The following RNF144A variants were observed in gnomAD, a reference collection of about 807,000 sequenced individuals.
RNF144A encodes E3 ubiquitin-protein ligase RNF144A.
A neutral mutation model predicts 38.7 loss-of-function variants in RNF144A; 11 were observed. The ratio of observed to expected loss-of-function variants is 0.28; its 90% CI spans 0.18 to 0.47. The LOEUF is 0.47. Ranked by LOEUF, RNF144A falls within the 20% of genes least tolerant of loss-of-function variation. RNF144A has a pLI of 0.99. For missense variants in RNF144A, 316 were observed against 377.2 expected, an observed-to-expected ratio of 0.84 and a Z score of 1.34; for synonymous variants, 149 against 143.9, an observed-to-expected ratio of 1.04 and a Z score of -0.25.
At chr2:7,007,444 CTGTGCATG>C (rs1413275534) in intron 3 of RNF144A, among the ~76,000 whole-genome samples, 2 of 152,216 alleles carry the variant, frequency 1.3e-5, no homozygotes, top group Admixed American at 1.3e-4. Flanking sequence ...TCAAGCGCGT[CTGTGCATG>C]TGTCCCCTTC....
downstream of RNF144A, among the ~76,000 whole-genome samples, chr2:7,044,375 A>G (rs1390383426): frequency 2.0e-5 from 3 of 151,836 alleles, no homozygotes; most frequent in Non-Finnish European, 4.4e-5. Context: ...GTATCCTGAG[A>G]TTTTCTGTTT....
rs540922046 is a variant in RNF144A at position 6,991,231 on chromosome 2, T to C, written c.-11-5685T>C. Among the ~76,000 whole-genome samples the C allele has an allele frequency of 2.0e-5, 3 of 152,166 alleles. No individual in the cohort carries two copies. The South Asian group carries it at 6.2e-4, about 32-fold the overall frequency. On this transcript the variant is annotated intron_variant, in intron 2 of 8. Transcript: ENST00000320892. ...CTGGAAATAGTTAAGTTTTTATCATTGAGTGGGCATCATCTGCTTGGGAGG... is the reference window on the plus strand; with the variant it reads ...CTGGAAATAGTTAAGTTTTTATCATCGAGTGGGCATCATCTGCTTGGGAGG...
At chr2:7,006,700 T>C (rs1222001619) in intron 3 of RNF144A, among the ~76,000 whole-genome samples, 8 of 152,012 alleles carry the variant, frequency 5.3e-5, no homozygotes, top group Admixed American at 4.6e-4. Flanking sequence ...CCCCAAAGCC[T>C]CCCATCCTCC....
intron 1 of RNF144A, among the ~76,000 whole-genome samples, chr2:6,921,925 C>T (rs1272019635): frequency 6.6e-6 from 1 of 152,210 alleles, no homozygotes; most frequent in Non-Finnish European, 1.5e-5. Flanking sequence ...CCGAGCTCCC[C>T]AGCTGCCTTA....
In RNF144A at chr2:7,014,695, AT is replaced by A. The variant is rs3215278; in HGVS notation, c.241-8del. 87,079 of 1,574,262 alleles carry A rather than the reference AT, an allele frequency of 0.055. 5,458 individuals are homozygous for A. Among genetic ancestry groups the A allele is most frequent in the African/African-American group, 0.33 (24,077 of 74,070 alleles). The stretch of plus-strand genomic sequence containing the variant: ...TCAGCTTGTTATCATTCCTGTTTGC[AT>A]TTTTTTTTCCCTTAGATTGAGTGCA... On this transcript the variant is annotated splice_polypyrimidine_tract_variant and intron_variant, in intron 4 of 8. Transcript: ENST00000320892.
chr2:7,014,817 G>C, intron 5 of RNF144A, 45 bp downstream of exon 5: 1 of 1,376,942 alleles, frequency 7.3e-7, no homozygotes, highest in Admixed American at 1.7e-5. Context: ...TGTAATGTGT[G>C]AATGTGGATA....
At chr2:6,956,417 A>T (rs146133300) in intron 2 of RNF144A, among the ~76,000 whole-genome samples, 1 of 152,254 alleles carries the variant, frequency 6.6e-6, no homozygotes, top group Non-Finnish European at 1.5e-5. Context: ...CCCTAATCTC[A>T]TCTGTACACC....
chr2:7,012,220 A>T (rs1670864308), intron 3 of RNF144A, among the ~76,000 whole-genome samples: 1 of 152,222 alleles, frequency 6.6e-6, no homozygotes, highest in South Asian at 2.1e-4. Flanking sequence ...AATACCTATA[A>T]CTGTAAGAGA....
intron 2 of RNF144A, among the ~76,000 whole-genome samples, chr2:6,970,206 A>G (rs1312790980): frequency 1.3e-5 from 2 of 152,150 alleles, no homozygotes; most frequent in Non-Finnish European, 2.9e-5. Flanking sequence ...CATAATTCCC[A>G]TGTGTTGTAG....
chr2:7,004,238 C>T (rs1342876178), intron 3 of RNF144A, among the ~76,000 whole-genome samples: 3 of 152,256 alleles, frequency 2.0e-5, no homozygotes, highest in African/African-American at 4.8e-5. Flanking sequence ...TCCAGGGTCT[C>T]CTCACTGTGG....
intron 3 of RNF144A, among the ~76,000 whole-genome samples, chr2:7,009,284 A>G (rs1399076931): frequency 6.6e-6 from 1 of 152,236 alleles, no homozygotes; most frequent in Non-Finnish European, 1.5e-5. Context: ...CAAGGATGCC[A>G]CCTGCAAAGC....
intron 5 of RNF144A, among the ~76,000 whole-genome samples, chr2:7,019,191 G>A (rs372513627): frequency 2.6e-4 from 40 of 152,312 alleles, no homozygotes; most frequent in Middle Eastern, 3.4e-3. Context: ...GATGGTTTCT[G>A]GAGAGCTGAA....
Position 7,039,999 on chromosome 2 carries a change from G to A in RNF144A, c.*239G>A. ...CGCACATCCCCACAGATCAATCTCT[G>A]CAGATGACAGGGAGGTGCTGTGAGA... On this transcript the variant is annotated 3_prime_UTR_variant, in exon 9 of 9. Transcript: ENST00000320892. 1.6e-6 allele frequency: 2 copies of A among 1,278,554 alleles called. No homozygotes were observed. Among genetic ancestry groups the A allele is most frequent in the Non-Finnish European group, 2.0e-6 (2 of 1,007,864 alleles). The allele number at this position is 1,278,554 out of a possible 1,614,324, so 79.2% of individuals were successfully genotyped here.
chr2:6,964,201 C>CA (rs1201142282), intron 2 of RNF144A, among the ~76,000 whole-genome samples: 2 of 151,882 alleles, frequency 1.3e-5, no homozygotes, highest in Admixed American at 6.6e-5. Context: ...TTTATGCAGC[C>CA]AAAAAACACA....
At chr2:6,965,579 C>T (rs1667617538) in intron 2 of RNF144A, among the ~76,000 whole-genome samples, 2 of 152,092 alleles carry the variant, frequency 1.3e-5, no homozygotes, top group Admixed American at 6.5e-5. Flanking sequence ...GGGGCGGTGA[C>T]TCTGTCTCAG....
downstream of RNF144A, among the ~76,000 whole-genome samples, chr2:7,045,853 A>G (rs1188939656): frequency 6.6e-6 from 1 of 152,144 alleles, no homozygotes; most frequent in East Asian, 1.9e-4. Context: ...GTTCTTCCCT[A>G]CGCTGGGTTG....
chr2:7,076,207 TTAA>T, the RNF144A span, among the ~76,000 whole-genome samples: 1 of 152,176 alleles, frequency 6.6e-6, no homozygotes, highest in Non-Finnish European at 1.5e-5. Flanking sequence ...TTTTCTAATA[TTAA>T]ATATGTGTTA....
chr2:6,947,882 A>G (rs1343394287), intron 2 of RNF144A, among the ~76,000 whole-genome samples: 1 of 152,198 alleles, frequency 6.6e-6, no homozygotes, highest in Non-Finnish European at 1.5e-5. Context: ...TACAATGGGA[A>G]TGGCAGATGC....
intron 2 of RNF144A, among the ~76,000 whole-genome samples, chr2:6,982,335 C>T (rs1668684737): frequency 6.6e-6 from 1 of 152,096 alleles, no homozygotes; most frequent in Admixed American, 6.5e-5. Flanking sequence ...ATGGGGACTT[C>T]TTTATTTTAT....
Sources: allele counts gnomAD v4.1 joint callset (sites outside exome capture counted in the v4.1 genomes callset), GRCh38; gene constraint gnomAD v4.1.1; transcripts MANE v1.5; gene names NCBI Gene and HGNC (gene_info 2026-07-23, HGNC 2026-07-21).